Variants in WLS observed in about 807,000 individuals in gnomAD.
WLS encodes the protein Wnt ligand secretion mediator.
In WLS, 23 loss-of-function variants were observed where a neutral mutation model predicts 62.8. The ratio of observed to expected loss-of-function variants is 0.37; its 90% CI spans 0.26 to 0.52. The LOEUF (loss-of-function observed/expected upper bound fraction) is 0.52, where lower values mean the gene tolerates loss of function less well. Among genes scored for constraint, WLS ranks in the 20% least tolerant of loss-of-function variants. WLS has a pLI of 0.92. For missense variants in WLS, 615 were observed against 697.3 expected, an observed-to-expected ratio of 0.88 and a Z score of 1.33; for synonymous variants, 246 against 244.1, an observed-to-expected ratio of 1.01 and a Z score of -0.07.
chr1:68,189,304 A>T (rs1483155834), intron 2 of WLS, among the ~76,000 whole-genome samples: 1 of 152,030 alleles, frequency 6.6e-6, no homozygotes, highest in Non-Finnish European at 1.5e-5. Context: ...TCCTTTAAGA[A>T]GATGAAAGTT....
chr1:68,184,345 C>A (rs1416711470), intron 2 of WLS, among the ~76,000 whole-genome samples: 3 of 152,162 alleles, frequency 2.0e-5, no homozygotes, highest in African/African-American at 7.2e-5. Flanking sequence ...CCAGTGGGTA[C>A]CGTTTTAGCC....
intron 11 of WLS, among the ~76,000 whole-genome samples, chr1:68,113,111 C>G (rs1316327490): frequency 6.6e-6 from 1 of 152,232 alleles, no homozygotes; most frequent in Non-Finnish European, 1.5e-5. Flanking sequence ...AGCCTTCTCT[C>G]TCCATCTGTC....
At chr1:68,193,892 A>G (rs566503821) in intron 2 of WLS, 63 bp downstream of exon 2, 13 of 1,550,602 alleles carry the variant, frequency 8.4e-6, no homozygotes, top group African/African-American at 1.4e-5. Flanking sequence ...AATTGGCTCA[A>G]AAAGAACCCA....
rs561742208 is a variant in WLS at position 68,169,064 on chromosome 1, G to A, written c.380-9817C>T. Among the ~76,000 whole-genome samples, 14 of 152,238 alleles carry A rather than the reference G, an allele frequency of 9.2e-5. No homozygotes were observed. The South Asian group carries it at 1.5e-3, about 16-fold the overall frequency. On this transcript the variant is annotated intron_variant, in intron 2 of 11. Coordinates refer to ENST00000262348, the MANE Select transcript of WLS (RefSeq NM_024911.7). ...AACAGTTTAGTTCACATTGCTTCTC[G>A]TCTTTCCTCATCAAATCAAGCATTT...
chr1:68,146,065 G>A (rs1452205945), intron 8 of WLS, 53 bp from the exon 9 acceptor site: 11 of 1,599,632 alleles, frequency 6.9e-6, no homozygotes, highest in East Asian at 6.7e-5. Flanking sequence ...AAGTTGAGCC[G>A]GGTCCAGGCC....
At chr1:68,162,798 C>T in intron 2 of WLS, 1 of 1,148,262 alleles carries the variant, frequency 8.7e-7, no homozygotes, top group Non-Finnish European at 1.3e-6. Flanking sequence ...CGATCACTCT[C>T]GGGGCCTTAA....
intron 1 of WLS, chr1:68,202,541 C>A (rs1254619234): frequency 1.3e-5 from 2 of 152,098 alleles, no homozygotes; most frequent in African/African-American, 4.8e-5. Flanking sequence ...CTCAAAACAG[C>A]AAAAATTAAA....
At chr1:68,176,044 TTCCC>T (rs1647244993) in intron 2 of WLS, among the ~76,000 whole-genome samples, 1 of 152,196 alleles carries the variant, frequency 6.6e-6, no homozygotes, top group East Asian at 1.9e-4. Context: ...CTTTTCTTCG[TTCCC>T]ATGAATGAGG....
chr1:68,211,867 G>C (rs4655788), intron 1 of WLS, among the ~76,000 whole-genome samples: 35,586 of 152,052 alleles, frequency 0.23, 4,239 homozygotes, highest in African/African-American at 0.25. Context: ...CCTTTATCTA[G>C]TGAAGTTGAT....
At chr1:68,217,152 A>T (rs1649763905) in intron 1 of WLS, among the ~76,000 whole-genome samples, 1 of 152,174 alleles carries the variant, frequency 6.6e-6, no homozygotes, top group African/African-American at 2.4e-5. Context: ...TCTTGGTTCA[A>T]GGAAAACACA....
intron 2 of WLS, among the ~76,000 whole-genome samples, chr1:68,163,383 CG>C: frequency 6.6e-6 from 1 of 152,086 alleles, no homozygotes; most frequent in Non-Finnish European, 1.5e-5. Context: ...CGGTGGCTCC[CG>C]CCCCTCCCAC....
intron 1 of WLS, among the ~76,000 whole-genome samples, chr1:68,225,009 G>A (rs1331088934): frequency 1.3e-5 from 2 of 152,094 alleles, no homozygotes; most frequent in East Asian, 1.9e-4. Context: ...GTTCTTAAAT[G>A]AGCCTCAGAT....
chr1:68,174,924 G>A (rs1358414339), intron 2 of WLS, among the ~76,000 whole-genome samples: 2 of 152,194 alleles, frequency 1.3e-5, no homozygotes, highest in Non-Finnish European at 2.9e-5. Context: ...TAAGATAAGG[G>A]CTGTGTTACT....
chr1:68,231,374 T>TAAA lies in WLS; in HGVS notation c.106+819_106+820insTTT, dbSNP rs202158715. The stretch of plus-strand genomic sequence containing the variant: ...GTGGTGGGAGCTGAGGGCGCTCTCC[T>TAAA]AAGCGCCAAAAGAGGACGGGGACAT... On this transcript the variant is annotated intron_variant, in intron 1 of 11. Transcript: ENST00000262348. Among the ~76,000 whole-genome samples the TAAA allele has an allele frequency of 7.9e-3, 1,203 of 151,980 alleles. 14 individuals are homozygous for TAAA. The highest frequency in any genetic ancestry group is 0.011 in the Non-Finnish European group (767 of 67,972).
intron 2 of WLS, among the ~76,000 whole-genome samples, chr1:68,167,309 G>A (rs1183733089): frequency 1.3e-5 from 2 of 152,138 alleles, no homozygotes; most frequent in Admixed American, 6.5e-5. Context: ...ACCCAGAAAC[G>A]GGAAAGCACT....
intron 11 of WLS, among the ~76,000 whole-genome samples, chr1:68,116,899 A>C (rs2988019): frequency 0.34 from 51,605 of 152,016 alleles, 9,434 homozygotes; most frequent in East Asian, 0.76. Flanking sequence ...TTAATTTTGA[A>C]GGCTAACAGA....
At chr1:68,128,608 A>C (rs1646469695) in intron 11 of WLS, among the ~76,000 whole-genome samples, 1 of 152,238 alleles carries the variant, frequency 6.6e-6, no homozygotes, top group Admixed American at 6.5e-5. Flanking sequence ...TAAACTTAAA[A>C]TATGACTCCA....
At chr1:68,162,772 C>T in intron 2 of WLS, 1 of 1,090,812 alleles carries the variant, frequency 9.2e-7, no homozygotes, top group Non-Finnish European at 1.4e-6. Context: ...GTTATCGTAG[C>T]CACTGCCTAT....
At chr1:68,113,143 A>G (rs1291263434) in intron 11 of WLS, among the ~76,000 whole-genome samples, 2 of 152,200 alleles carry the variant, frequency 1.3e-5, no homozygotes, top group Non-Finnish European at 2.9e-5. Context: ...ATATTGGCTG[A>G]AGCTCTGGGC....
Sources: allele counts gnomAD v4.1 joint callset (sites outside exome capture counted in the v4.1 genomes callset), GRCh38; gene constraint gnomAD v4.1.1; transcripts MANE v1.5; gene names NCBI Gene and HGNC (gene_info 2026-07-23, HGNC 2026-07-21).